Variants in LHFPL3 observed in about 807,000 individuals in gnomAD.
LHFPL3 encodes the protein LHFPL tetraspan subfamily member 3, also known as LHFPL tetraspan subfamily member 3 protein.
In LHFPL3, 5 loss-of-function variants were observed where a neutral mutation model predicts 19.3. The ratio of observed to expected loss-of-function variants is 0.26; its 90% confidence interval spans 0.14 to 0.54. The LOEUF (loss-of-function observed/expected upper bound fraction) is 0.54, where lower values mean the gene tolerates loss of function less well. Among genes scored for constraint, LHFPL3 ranks in the 20% least tolerant of loss-of-function variants. LHFPL3 has a pLI of 0.94. For missense variants in LHFPL3, 249 were observed against 307.4 expected (o/e 0.81, Z 1.42); for synonymous variants, 133 against 126.2 (o/e 1.05, Z -0.36).
At chr7:104,375,657 T>C (rs1326194476) in intron 1 of LHFPL3, among the ~76,000 whole-genome samples, 1 of 152,212 alleles carries the variant, frequency 6.6e-6, no homozygotes, top group Non-Finnish European at 1.5e-5. Context: ...GTTCGTAACA[T>C]TTAGATTTGC....
intron 1 of LHFPL3, among the ~76,000 whole-genome samples, chr7:104,425,245 G>T (rs1431130617): frequency 6.6e-6 from 1 of 152,070 alleles, no homozygotes; most frequent in Non-Finnish European, 1.5e-5. Context: ...GATTTTGGTG[G>T]GGTGGGGGTA....
chr7:104,661,774 C>T (rs1792227691), intron 1 of LHFPL3, among the ~76,000 whole-genome samples: 1 of 152,194 alleles, frequency 6.6e-6, no homozygotes, highest in African/African-American at 2.4e-5. Flanking sequence ...ATTTTTGCAA[C>T]ATCAGCATGA....
intron 1 of LHFPL3, among the ~76,000 whole-genome samples, chr7:104,652,174 A>G (rs1402657323): frequency 6.6e-6 from 1 of 152,106 alleles, no homozygotes; most frequent in African/African-American, 2.4e-5. Context: ...AGAAGATGGG[A>G]TGTCCACAGA....
chr7:104,564,225 T>G (rs891389208), intron 1 of LHFPL3, among the ~76,000 whole-genome samples: 1 of 152,190 alleles, frequency 6.6e-6, no homozygotes, highest in Non-Finnish European at 1.5e-5. Context: ...ATGTTATGGG[T>G]TCTATTACCA....
chr7:104,840,866 T>G (rs867902600), intron 2 of LHFPL3, among the ~76,000 whole-genome samples: 13 of 152,238 alleles, frequency 8.5e-5, no homozygotes, highest in Admixed American at 3.9e-4. Flanking sequence ...GAGACCACAG[T>G]TCATTCAAGT....
intron 1 of LHFPL3, among the ~76,000 whole-genome samples, chr7:104,528,423 T>G (rs187512312): frequency 1.2e-3 from 184 of 152,298 alleles, no homozygotes; most frequent in Non-Finnish European, 2.1e-3. Flanking sequence ...GGAGCTTTCC[T>G]TCTCTTTCTC....
At chr7:104,663,947 A>T (rs532224244) in intron 1 of LHFPL3, among the ~76,000 whole-genome samples, 15 of 152,352 alleles carry the variant, frequency 9.8e-5, no homozygotes, top group East Asian at 7.7e-4. Context: ...ATGTGGTTTC[A>T]GTGTAAGGTG....
intron 2 of LHFPL3, among the ~76,000 whole-genome samples, chr7:104,781,763 T>C (rs1310060427): frequency 6.6e-6 from 1 of 152,156 alleles, no homozygotes; most frequent in Non-Finnish European, 1.5e-5. Flanking sequence ...CCTATACTTT[T>C]CTACTTTTCA....
chr7:104,417,565 A>G (rs1220584284), intron 1 of LHFPL3, among the ~76,000 whole-genome samples: 3 of 152,192 alleles, frequency 2.0e-5, no homozygotes, highest in Non-Finnish European at 1.5e-5. Context: ...TAAAGAATAT[A>G]TTTAAACAAG....
chr7:104,626,632 C>T (rs556379344), intron 1 of LHFPL3, among the ~76,000 whole-genome samples: 2 of 152,082 alleles, frequency 1.3e-5, no homozygotes, highest in South Asian at 4.1e-4. Flanking sequence ...GATGGAGCAC[C>T]CTTTCTGCTG....
At chr7:104,622,564 T>TC (rs1298239061) in intron 1 of LHFPL3, among the ~76,000 whole-genome samples, 4 of 152,040 alleles carry the variant, frequency 2.6e-5, no homozygotes, top group Non-Finnish European at 5.9e-5. Flanking sequence ...TTAATCTCCA[T>TC]CCCCCCCAAA....
At chr7:104,596,086 A>C (rs746045326) in intron 1 of LHFPL3, among the ~76,000 whole-genome samples, 13 of 152,238 alleles carry the variant, frequency 8.5e-5, no homozygotes, top group Admixed American at 3.9e-4. Context: ...AATCAGTCCC[A>C]GTGAGATGAA....
At chr7:104,637,028 C>T (rs1458257772) in intron 1 of LHFPL3, among the ~76,000 whole-genome samples, 1 of 152,186 alleles carries the variant, frequency 6.6e-6, no homozygotes, top group Non-Finnish European at 1.5e-5. Flanking sequence ...CCCTTTTCTT[C>T]ACAACCTCGC....
intron 2 of LHFPL3, among the ~76,000 whole-genome samples, chr7:104,864,440 T>C (rs1791680699): frequency 6.6e-6 from 1 of 152,066 alleles, no homozygotes; most frequent in South Asian, 2.1e-4. Flanking sequence ...TTTCCAGCGG[T>C]CTTAGCAAAT....
chr7:104,424,577 A>G (rs1326192532), intron 1 of LHFPL3, among the ~76,000 whole-genome samples: 1 of 152,232 alleles, frequency 6.6e-6, no homozygotes, highest in East Asian at 1.9e-4. Flanking sequence ...AGGTCAACCA[A>G]CCAGGTCTGG....
chr7:104,847,946 C>A (rs1431073602), intron 2 of LHFPL3, among the ~76,000 whole-genome samples: 3 of 152,162 alleles, frequency 2.0e-5, no homozygotes, highest in African/African-American at 4.8e-5. Flanking sequence ...AGCAGCCTTC[C>A]CTGAATCTGA....
intron 1 of LHFPL3, among the ~76,000 whole-genome samples, chr7:104,664,812 C>T: frequency 6.6e-6 from 1 of 152,146 alleles, no homozygotes; most frequent in East Asian, 1.9e-4. Context: ...CTGAAAGTGC[C>T]ATCTATCACC....
In LHFPL3 at chr7:104,570,748, A is replaced by G. The variant is rs536863155; in HGVS notation, c.446-165927A>G. On this transcript the variant is annotated intron_variant, in intron 1 of 2. Transcript: ENST00000424859. ...AAGTTTGTTACGTAGGTAAACTCAT[A>G]TCACGGGGGTTTGTTGTACAGATTA... is the stretch of plus-strand genomic sequence containing the variant. 6.6e-5 allele frequency among the ~76,000 whole-genome samples: 10 copies of G among 151,362 alleles called. No homozygotes were observed. The South Asian group carries it at 1.9e-3, about 28-fold the overall frequency.
intron 1 of LHFPL3, among the ~76,000 whole-genome samples, chr7:104,402,569 T>A (rs186706626): frequency 6.6e-6 from 1 of 152,228 alleles, no homozygotes; most frequent in Non-Finnish European, 1.5e-5. Context: ...TGATTACTTA[T>A]GCTACTTCCC....
Sources: gnomAD v4.1 joint callset for allele counts (sites outside exome capture counted in the v4.1 genomes callset) on GRCh38, gnomAD v4.1.1 for gene constraint, MANE v1.5 for transcripts, NCBI Gene and HGNC (gene_info 2026-07-23, HGNC 2026-07-21) for gene names.